The following NBAS variants were observed in gnomAD, a reference collection of about 807,000 sequenced individuals.
The protein encoded by NBAS is NAG/BC035112 fusion.
Under a neutral mutation model 302.5 loss-of-function variants are expected in NBAS, and 219 were observed. The ratio of observed to expected loss-of-function variants is 0.72; its 90% CI spans 0.65 to 0.81. The LOEUF (loss-of-function observed/expected upper bound fraction) is 0.81, where lower values mean the gene tolerates loss of function less well. NBAS is among the 30% of genes least tolerant of loss of function. The probability of loss-of-function intolerance (pLI) is 0.00; values close to 1 mark genes in which losing one functional copy is unlikely to be tolerated. For synonymous variants in NBAS, 1,118 were observed against 1,021.6 expected, an observed-to-expected ratio of 1.09 and a Z score of -1.80; for missense variants, 2,932 against 2,841.6, an observed-to-expected ratio of 1.03 and a Z score of -0.72.
chr2:15,479,337 A>G (rs1389820845), intron 12 of NBAS, among the ~76,000 whole-genome samples: 1 of 152,226 alleles, frequency 6.6e-6, no homozygotes, highest in Admixed American at 6.5e-5. Context: ...AATAAGATAC[A>G]TATTATTGAA....
intron 48 of NBAS, among the ~76,000 whole-genome samples, chr2:15,208,854 A>T (rs1347157156): frequency 6.6e-6 from 1 of 152,182 alleles, no homozygotes; most frequent in Admixed American, 6.5e-5. Context: ...AAGGAAAAGA[A>T]AAACTTCAAA....
the NBAS span, among the ~76,000 whole-genome samples, chr2:14,886,092 C>T: frequency 2.6e-5 from 4 of 152,210 alleles, no homozygotes; most frequent in South Asian, 8.3e-4. Flanking sequence ...AAAGCAAGTC[C>T]TCCCAGTTTT....
At chr2:15,104,549 T>G in the NBAS span, among the ~76,000 whole-genome samples, 1 of 152,092 alleles carries the variant, frequency 6.6e-6, no homozygotes, top group Non-Finnish European at 1.5e-5. Context: ...CAGAAAAATC[T>G]TTTTGAGTAT....
chr2:15,130,790 G>A, the NBAS span, among the ~76,000 whole-genome samples: 2 of 152,132 alleles, frequency 1.3e-5, no homozygotes, highest in African/African-American at 4.8e-5. Context: ...CCATCCTCAG[G>A]GGGCCACCCT....
the NBAS span, among the ~76,000 whole-genome samples, chr2:15,119,303 CTTTTTTTTT>C: frequency 9.3e-6 from 1 of 107,766 alleles, no homozygotes; most frequent in Admixed American, 1.1e-4. Flanking sequence ...GAAATCCTTT[CTTTTTTTTT>C]TTTTTTTTTT....
the NBAS span, among the ~76,000 whole-genome samples, chr2:15,098,297 CAA>C: frequency 1.0e-3 from 2 of 1,960 alleles, 1 homozygote; most frequent in East Asian, 0.034. Context: ...ATATTATATA[CAA>C]TATATAATAT....
At chr2:15,308,518 G>A (rs1422389185) in intron 39 of NBAS, among the ~76,000 whole-genome samples, 165 bp from the exon 40 acceptor site, 1 of 152,034 alleles carries the variant, frequency 6.6e-6, no homozygotes, top group Non-Finnish European at 1.5e-5. Flanking sequence ...AAATCACAAG[G>A]CACTATAAAA....
At chr2:15,141,677 T>C in the NBAS span, among the ~76,000 whole-genome samples, 2 of 117,636 alleles carry the variant, frequency 1.7e-5, no homozygotes, top group Non-Finnish European at 3.2e-5. Context: ...TTCAGCAAAA[T>C]CAATTTTGTT....
the NBAS span, among the ~76,000 whole-genome samples, chr2:14,963,475 T>C: frequency 2.6e-5 from 4 of 152,180 alleles, no homozygotes; most frequent in Admixed American, 2.6e-4. Flanking sequence ...GTGTAACACA[T>C]ACTTTTTCAA....
intron 35 of NBAS, among the ~76,000 whole-genome samples, chr2:15,350,426 C>A (rs187562351): frequency 6.6e-6 from 1 of 152,152 alleles, no homozygotes; most frequent in Non-Finnish European, 1.5e-5. Flanking sequence ...AGAATCATCA[C>A]GTCTTAATTT....
At chr2:15,495,955 A>G (rs1215710887) in intron 11 of NBAS, among the ~76,000 whole-genome samples, 1 of 151,938 alleles carries the variant, frequency 6.6e-6, no homozygotes, top group Non-Finnish European at 1.5e-5. Flanking sequence ...ATATTTCCAC[A>G]AAAGAACTTG....
chr2:15,032,912 G>A, the NBAS span, among the ~76,000 whole-genome samples: 1 of 152,212 alleles, frequency 6.6e-6, no homozygotes, highest in South Asian at 2.1e-4. Flanking sequence ...GCAGTTCAGA[G>A]ATCATCATGG....
At chr2:15,412,664 C>G (rs1213321063) in intron 25 of NBAS, among the ~76,000 whole-genome samples, 1 of 152,012 alleles carries the variant, frequency 6.6e-6, no homozygotes, top group Non-Finnish European at 1.5e-5. Flanking sequence ...ATAAAGCAAA[C>G]AAATGTAATC....
intron 12 of NBAS, among the ~76,000 whole-genome samples, chr2:15,487,852 G>A (rs1378559171): frequency 6.6e-6 from 1 of 152,212 alleles, no homozygotes; most frequent in East Asian, 1.9e-4. Flanking sequence ...TCCAATAAGG[G>A]AGAAAGAGTG....
chr2:15,269,136 A>T (rs1448234811), intron 44 of NBAS, among the ~76,000 whole-genome samples: 1 of 152,166 alleles, frequency 6.6e-6, no homozygotes, highest in African/African-American at 2.4e-5. Flanking sequence ...CAGCAAAAAG[A>T]CAGTGACAGC....
the NBAS span, among the ~76,000 whole-genome samples, chr2:14,873,803 A>G: frequency 1.3e-5 from 2 of 151,800 alleles, no homozygotes; most frequent in Admixed American, 1.3e-4. Context: ...GACATATCAA[A>G]ATATGTGGCT....
chr2:15,511,640 T>C (rs977464227), intron 9 of NBAS, among the ~76,000 whole-genome samples: 12 of 152,294 alleles, frequency 7.9e-5, no homozygotes, highest in Admixed American at 5.9e-4. Context: ...AAAAAAACTG[T>C]CTGTATCAAC....
chr2:15,052,700 A>C, the NBAS span, among the ~76,000 whole-genome samples: 1 of 152,250 alleles, frequency 6.6e-6, no homozygotes, highest in African/African-American at 2.4e-5. Context: ...AACAGGTATA[A>C]AAATTTGCAA....
intron 9 of NBAS, among the ~76,000 whole-genome samples, chr2:15,518,043 CT>C (rs1166036952): frequency 2.0e-5 from 3 of 151,388 alleles, no homozygotes; most frequent in East Asian, 1.9e-4. Flanking sequence ...TTCTCTCTCC[CT>C]TTTTTTTAAA....
Sources: gnomAD v4.1 joint callset for allele counts (sites outside exome capture counted in the v4.1 genomes callset) on GRCh38, gnomAD v4.1.1 for gene constraint, MANE v1.5 for transcripts, NCBI Gene and HGNC (gene_info 2026-07-23, HGNC 2026-07-21) for gene names.